The following TOPBP1 variants were observed in gnomAD, a reference collection of about 807,000 sequenced individuals.
TOPBP1 encodes the protein DNA topoisomerase 2-binding protein 1.
Under a neutral mutation model 167.7 loss-of-function variants are expected in TOPBP1, and 28 were observed. That is an observed-to-expected ratio of 0.17 (90% confidence interval 0.12 to 0.23). The LOEUF (loss-of-function observed/expected upper bound fraction) is 0.23. Ranked by LOEUF, TOPBP1 falls within the 10% of genes least tolerant of loss-of-function variation. The probability of loss-of-function intolerance (pLI) is 1.00; values close to 1 mark genes in which losing one functional copy is unlikely to be tolerated. For synonymous variants in TOPBP1, 598 were observed against 611.4 expected, an observed-to-expected ratio of 0.98 and a Z score of 0.32; for missense variants, 1,554 against 1,809.6, an observed-to-expected ratio of 0.86 and a Z score of 2.56.
chr3:133,632,531 G>A (rs897122694), intron 14 of TOPBP1, among the ~76,000 whole-genome samples: 1 of 152,152 alleles, frequency 6.6e-6, no homozygotes, highest in African/African-American at 2.4e-5. Flanking sequence ...CAAGAACATG[G>A]TAAGTCTTTC....
Position 133,643,223 on chromosome 3 carries a change from G to T in TOPBP1, c.1998C>A (p.Phe666Leu). 1 of 1,600,196 alleles carries T rather than the reference G, an allele frequency of 6.2e-7. No homozygotes were observed. The highest frequency in any genetic ancestry group is 1.1e-5 in the South Asian group (1 of 88,134). Residue 666 changes from phenylalanine to leucine, a missense_variant, in exon 12 of 28, where the codon TTC becomes TTA. By Grantham distance (22) the Phe-to-Leu change is conservative. Around this residue, in one of 3 missense-constraint regions of TOPBP1, gnomAD observed 1,197 missense variants for 1,351.5 expected, o/e 0.89. Coordinates refer to ENST00000260810, the MANE Select transcript of TOPBP1 (RefSeq NM_007027.4). ...CAGAEKESLT[F>L]LANLLGASVQ... ...ACCTTGCTCCAAGGAGGTTTGCTAG[G>T]AATGTTAAAGACTCTTTTTCTGCTC...
chr3:133,614,505 T>C (rs1934794854), intron 23 of TOPBP1, among the ~76,000 whole-genome samples: 1 of 152,138 alleles, frequency 6.6e-6, no homozygotes, highest in Non-Finnish European at 1.5e-5. Flanking sequence ...TATTATAATG[T>C]CTCTTTGCAT....
intron 12 of TOPBP1, among the ~76,000 whole-genome samples, 183 bp downstream of exon 12, chr3:133,643,017 A>G (rs1435906689): frequency 2.0e-5 from 3 of 152,022 alleles, no homozygotes; most frequent in Non-Finnish European, 2.9e-5. Context: ...ATCTTTGGAC[A>G]ACAGAGGCAC....
intron 5 of TOPBP1, 44 bp downstream of exon 5, chr3:133,656,632 C>T: frequency 1.3e-6 from 2 of 1,513,306 alleles, no homozygotes; most frequent in Non-Finnish European, 1.8e-6. Flanking sequence ...TGATTGAATG[C>T]ATCATTTTTT....
intron 8 of TOPBP1, 145 bp from the exon 9 acceptor site, chr3:133,650,088 G>T: frequency 1.4e-6 from 1 of 713,604 alleles, no homozygotes. Context: ...TGAAACTTTT[G>T]ATTTTTTAAC....
intron 21 of TOPBP1, 64 bp downstream of exon 21, chr3:133,618,149 G>T: frequency 7.3e-7 from 1 of 1,371,962 alleles, no homozygotes. Flanking sequence ...ATGCTCATCT[G>T]TTTATTTTTA....
rs1936320390 is a variant in TOPBP1, at chr3:133,651,904, C to T, written c.1089+559G>A. ...AAAATGATTAGCACAGTGTCTAATA[C>T]ACTGTAAACACTTGGATGATAGTTT... On this transcript the variant is annotated intron_variant, in intron 8 of 27. Coordinates refer to ENST00000260810, the MANE Select transcript of TOPBP1 (RefSeq NM_007027.4). Among the ~76,000 whole-genome samples, 2 of 152,128 alleles carry T rather than the reference C, an allele frequency of 1.3e-5. 1 individual carries two copies. Among genetic ancestry groups the T allele is most frequent in the Non-Finnish European group, 2.9e-5 (2 of 68,036 alleles).
chr3:133,636,562 GT>G (rs1309394201), intron 14 of TOPBP1, among the ~76,000 whole-genome samples: 2 of 152,038 alleles, frequency 1.3e-5, no homozygotes, highest in Non-Finnish European at 2.9e-5. Context: ...TGTGTTTTTT[GT>G]ATTGAGGCTA....
Position 133,609,043 on chromosome 3 carries a change from A to G in TOPBP1, c.4174-81T>C, listed in dbSNP as rs1934590263. Reference sequence around the variant, plus strand: ...AGATAATGCATGATTTTATCTGTAGACTTAGTTTTGTCAATAAATCTTATA... The same window carrying G: ...AGATAATGCATGATTTTATCTGTAGGCTTAGTTTTGTCAATAAATCTTATA... On this transcript the variant is annotated intron_variant, in intron 25 of 27. Transcript: ENST00000260810. 5 of 1,134,060 alleles carry G rather than the reference A, an allele frequency of 4.4e-6. No homozygotes were observed. The Admixed American group carries it at 1.3e-4, about 29-fold the overall frequency. The allele number at this position is 1,134,060 out of a possible 1,614,324, so 70.2% of individuals were successfully genotyped here.
At chr3:133,622,967 G>A in intron 19 of TOPBP1, 124 bp downstream of exon 19, 1 of 564,928 alleles carries the variant, frequency 1.8e-6, no homozygotes, top group Non-Finnish European at 3.0e-6. Context: ...TCACAAGGCA[G>A]GAGGATCCTT....
At chr3:133,647,907 G>A (rs77764289) in intron 10 of TOPBP1, among the ~76,000 whole-genome samples, 1 of 152,222 alleles carries the variant, frequency 6.6e-6, no homozygotes, top group East Asian at 1.9e-4. Context: ...AAAGCAAATG[G>A]GAGTTAAGAG....
intron 2 of TOPBP1, among the ~76,000 whole-genome samples, chr3:133,659,449 C>G (rs1284634229): frequency 6.6e-6 from 1 of 152,200 alleles, no homozygotes; most frequent in African/African-American, 2.4e-5. Flanking sequence ...CTACAGCCTT[C>G]AAGACAACAC....
chr3:133,621,976 A>G (rs1361127411), intron 19 of TOPBP1, among the ~76,000 whole-genome samples: 2 of 151,920 alleles, frequency 1.3e-5, no homozygotes, highest in Non-Finnish European at 2.9e-5. Flanking sequence ...GCCCAAAAAG[A>G]AAGAAAAGGG....
chr3:133,642,508 G>C (rs1935925210), intron 12 of TOPBP1, among the ~76,000 whole-genome samples: 1 of 152,152 alleles, frequency 6.6e-6, no homozygotes, highest in African/African-American at 2.4e-5. Context: ...CTGTAGTATA[G>C]TTTAACGTGT....
In TOPBP1 at chr3:133,603,666, A is replaced by AAT. The variant is rs1454639127; in HGVS notation, c.4426-2274_4426-2273insAT. 6.5e-4 allele frequency among the ~76,000 whole-genome samples: 99 copies of AAT among 152,274 alleles called. 3 individuals are homozygous for AAT. The highest frequency in any genetic ancestry group is 3.4e-3 in the Middle Eastern group (1 of 294). On this transcript the variant is annotated intron_variant, in intron 27 of 27. Coordinates refer to ENST00000260810, the MANE Select transcript of TOPBP1 (RefSeq NM_007027.4). ...CAAAGAAATTATATATGGGTAAACA[A>AAT]CTAGCAACAAAGTTTGAAATAAATG...
intron 16 of TOPBP1, among the ~76,000 whole-genome samples, chr3:133,625,107 T>C (rs541015116): frequency 1.3e-5 from 2 of 152,134 alleles, no homozygotes; most frequent in Non-Finnish European, 2.9e-5. Context: ...GCTGGGATTA[T>C]AGGCGTACGC....
chr3:133,650,129 T>C (rs1018046630), intron 8 of TOPBP1, among the ~76,000 whole-genome samples, 186 bp from the exon 9 acceptor site: 7 of 152,210 alleles, frequency 4.6e-5, no homozygotes, highest in Non-Finnish European at 8.8e-5. Flanking sequence ...TTAATCACTC[T>C]TTACAATCTC....
chr3:133,619,120 A>AC (rs1235332526), intron 20 of TOPBP1, among the ~76,000 whole-genome samples: 4 of 145,218 alleles, frequency 2.8e-5, no homozygotes, highest in Non-Finnish European at 4.7e-5. Flanking sequence ...GCAAAAAAAA[A>AC]AAAAACAAAA....
chr3:133,606,315 A>G (rs1215525616), intron 27 of TOPBP1, among the ~76,000 whole-genome samples: 1 of 152,190 alleles, frequency 6.6e-6, no homozygotes, highest in African/African-American at 2.4e-5. Context: ...AATAAATTTA[A>G]CAAAAGATAG....
Sources: gnomAD v4.1 joint callset for allele counts (sites outside exome capture counted in the v4.1 genomes callset) on GRCh38, gnomAD v4.1.1 for gene constraint, gnomAD v4.1.1 regional missense constraint, MANE v1.5 for transcripts, NCBI Gene and HGNC (gene_info 2026-07-23, HGNC 2026-07-21) for gene names.